Variants in CEP164 observed in about 807,000 individuals in gnomAD.
The protein encoded by CEP164 is centrosomal protein of 164 kDa.
CEP164 carries 162 observed loss-of-function variants against 182.7 expected under a neutral mutation model. The ratio of observed to expected loss-of-function variants is 0.89; its 90% CI spans 0.78 to 1.01. The LOEUF (loss-of-function observed/expected upper bound fraction) is 1.01, where lower values mean the gene tolerates loss of function less well. Among genes scored for constraint, CEP164 ranks in the 50% least tolerant of loss-of-function variants. CEP164 has a pLI of 0.00. For missense variants in CEP164, 1,735 were observed against 1,790.4 expected, an observed-to-expected ratio of 0.97 and a Z score of 0.56; for synonymous variants, 661 against 690.0, an observed-to-expected ratio of 0.96 and a Z score of 0.66.
intron 5 of CEP164, chr11:117,355,303 A>G: frequency 7.8e-7 from 1 of 1,289,808 alleles, no homozygotes; most frequent in African/African-American, 1.5e-5. Flanking sequence ...CAGATCCTGA[A>G]ACAGAAGAGC....
intron 6 of CEP164, 47 bp from the exon 7 acceptor site, chr11:117,362,357 A>G (rs1037017475): frequency 2.5e-6 from 4 of 1,589,468 alleles, no homozygotes; most frequent in Non-Finnish European, 3.4e-6. Context: ...AGGTCATTCC[A>G]AAGGTCTTCC....
chr11:117,371,022 C>G, intron 8 of CEP164, 58 bp from the exon 9 acceptor site: 2 of 1,504,418 alleles, frequency 1.3e-6, no homozygotes, highest in South Asian at 1.4e-5. Flanking sequence ...TAGCATGTCT[C>G]AACTCCTTTT....
At chr11:117,405,016 C>T (rs1000824744) in intron 27 of CEP164, among the ~76,000 whole-genome samples, 13 of 152,304 alleles carry the variant, frequency 8.5e-5, no homozygotes, top group Admixed American at 2.0e-4. Context: ...CCACCAAGCT[C>T]GGGCATCCCA....
At chr11:117,326,256 C>G (rs371767560), upstream of CEP164, among the ~76,000 whole-genome samples, 6 of 151,112 alleles carry the variant, frequency 4.0e-5, no homozygotes, top group African/African-American at 1.2e-4. Flanking sequence ...CGGAGTCTTG[C>G]TCTGTCACCC....
At chr11:117,354,113 T>C (rs1480927024) in intron 5 of CEP164, among the ~76,000 whole-genome samples, 1 of 151,482 alleles carries the variant, frequency 6.6e-6, no homozygotes, top group African/African-American at 2.4e-5. Context: ...GCCCCCTGGG[T>C]TCAAGCAATT....
chr11:117,394,628 C>A lies in CEP164; in HGVS notation c.2760+135C>A. The A allele has an allele frequency of 8.4e-7, 1 of 1,197,538 alleles. No individual in the cohort carries two copies. The highest frequency in any genetic ancestry group is 1.2e-6 in the Non-Finnish European group (1 of 864,106). 74.2% of individuals were successfully genotyped at this position (1,197,538 alleles called of 1,614,324 possible). A position where few individuals can be genotyped will look rare whatever the true frequency, so the allele number is the denominator to read the frequency against. ...GTGAGAGTCTCTCACTGGCCATCTCCAAGCTGGGGCATCCTTGTTACTTTG... is the reference window on the plus strand; with the variant it reads ...GTGAGAGTCTCTCACTGGCCATCTCAAAGCTGGGGCATCCTTGTTACTTTG... On this transcript the variant is annotated intron_variant, in intron 21 of 32. Coordinates refer to ENST00000278935, the MANE Select transcript of CEP164 (RefSeq NM_014956.5). The surrounding 1 kb of genome is among the most constrained non-coding windows in gnomAD (Gnocchi z 4.0).
At chr11:117,403,327 TA>T (rs1174689004) in intron 27 of CEP164, among the ~76,000 whole-genome samples, 2 of 152,260 alleles carry the variant, frequency 1.3e-5, no homozygotes, top group Non-Finnish European at 2.9e-5. Context: ...TTTCCACATT[TA>T]GTGCTTCCTT....
intron 14 of CEP164, chr11:117,384,816 G>A (rs1056217439): frequency 3.9e-5 from 6 of 152,420 alleles, no homozygotes; most frequent in Admixed American, 3.9e-4. Context: ...GTAGCTCTGT[G>A]TCTGTCAGCT....
intron 5 of CEP164, among the ~76,000 whole-genome samples, chr11:117,360,824 A>G (rs2040849081): frequency 1.3e-5 from 2 of 152,132 alleles, no homozygotes; most frequent in Admixed American, 1.3e-4. Context: ...TGTAAATAAT[A>G]CACTTAGACT....
intron 15 of CEP164, among the ~76,000 whole-genome samples, chr11:117,390,371 G>A (rs902451425): frequency 1.3e-5 from 2 of 152,042 alleles, no homozygotes; most frequent in African/African-American, 2.4e-5. Flanking sequence ...GCTTTGACTG[G>A]GCGCAGTGGC....
chr11:117,398,979 T>C (rs1286189391), intron 27 of CEP164, among the ~76,000 whole-genome samples: 2 of 152,218 alleles, frequency 1.3e-5, no homozygotes, highest in Non-Finnish European at 2.9e-5. Flanking sequence ...GGTTTTTCTT[T>C]TCTTTCTTTT....
At chr11:117,410,067 C>T (rs2047167747) in intron 30 of CEP164, 102 bp downstream of exon 30, 2 of 1,113,416 alleles carry the variant, frequency 1.8e-6, no homozygotes, top group Non-Finnish European at 1.3e-6. Flanking sequence ...TCCTCTTCCT[C>T]TTTTGCATCC....
At chr11:117,339,689 T>G (rs2037807826) in intron 3 of CEP164, among the ~76,000 whole-genome samples, 1 of 151,710 alleles carries the variant, frequency 6.6e-6, no homozygotes, top group Admixed American at 6.6e-5. Flanking sequence ...CCACCACACC[T>G]GGGGAACTAA....
intron 11 of CEP164, among the ~76,000 whole-genome samples, chr11:117,379,852 CTT>C (rs58534321): frequency 0.013 from 1,561 of 116,880 alleles, 15 homozygotes; most frequent in Non-Finnish European, 0.019. Flanking sequence ...ATAGTTCTTC[CTT>C]TTTTTTTTTT....
intron 15 of CEP164, among the ~76,000 whole-genome samples, chr11:117,390,501 T>C (rs774272989): frequency 2.0e-5 from 3 of 151,974 alleles, no homozygotes; most frequent in African/African-American, 4.8e-5. Flanking sequence ...CTGGGTTTGA[T>C]GGTGCATGCC....
At chr11:117,325,300 G>T (rs1050245291), upstream of CEP164, among the ~76,000 whole-genome samples, 1 of 152,128 alleles carries the variant, frequency 6.6e-6, no homozygotes, top group Non-Finnish European at 1.5e-5. Flanking sequence ...GGCCAGGCTG[G>T]TCTTGAGCTC....
chr11:117,372,203 G>A (rs1025276962), intron 9 of CEP164, among the ~76,000 whole-genome samples: 2 of 150,342 alleles, frequency 1.3e-5, no homozygotes, highest in African/African-American at 4.9e-5. Flanking sequence ...TGCCTCCCAG[G>A]TTCAAGCGAT....
At chr11:117,387,903 CA>C (rs2044138473) in intron 15 of CEP164, among the ~76,000 whole-genome samples, 1 of 152,066 alleles carries the variant, frequency 6.6e-6, no homozygotes, top group South Asian at 2.1e-4. Context: ...AACAGAAAAC[CA>C]ACATACAAGT....
intron 8 of CEP164, among the ~76,000 whole-genome samples, chr11:117,367,149 C>T (rs1048795649): frequency 3.3e-5 from 5 of 152,200 alleles, no homozygotes; most frequent in African/African-American, 1.2e-4. Flanking sequence ...GTTGGAGCTT[C>T]AGGCCTTGGG....
Sources: allele counts gnomAD v4.1 joint callset (sites outside exome capture counted in the v4.1 genomes callset), GRCh38; gene constraint gnomAD v4.1.1; non-coding constraint Gnocchi (gnomAD v3.1); transcripts MANE v1.5; gene names NCBI Gene and HGNC (gene_info 2026-07-23, HGNC 2026-07-21).